The following MORC1 variants were observed in gnomAD, a reference collection of about 807,000 sequenced individuals.
MORC1 encodes MORC family CW-type zinc finger protein 1.
MORC1 carries 59 observed loss-of-function variants against 134.9 expected under a neutral mutation model. That is an observed-to-expected ratio of 0.44 (90% CI 0.35 to 0.54). MORC1 has a LOEUF of 0.54. MORC1 is among the 20% of genes least tolerant of loss of function. The probability of loss-of-function intolerance (pLI) is 0.00; values close to 1 mark genes in which losing one functional copy is unlikely to be tolerated. For missense variants in MORC1, 947 were observed against 1,134.5 expected (o/e 0.83, Z 2.37); for synonymous variants, 395 against 391.7 (o/e 1.01, Z -0.10).
At chr3:109,034,065 C>T (rs1354836923) in intron 15 of MORC1, among the ~76,000 whole-genome samples, 1 of 152,116 alleles carries the variant, frequency 6.6e-6, no homozygotes, top group African/African-American at 2.4e-5. Context: ...TTCTAAGTAA[C>T]TGTCTTTTAA....
At chr3:108,971,827 AAGGG>A (rs1024408047) in intron 24 of MORC1, among the ~76,000 whole-genome samples, 4 of 145,264 alleles carry the variant, frequency 2.8e-5, no homozygotes, top group Admixed American at 6.8e-5. Flanking sequence ...GGAAGGAAGG[AAGGG>A]AGGGAGGGAG....
At chr3:109,065,835 C>T (rs982680980) in intron 9 of MORC1, among the ~76,000 whole-genome samples, 1 of 152,020 alleles carries the variant, frequency 6.6e-6, no homozygotes, top group Non-Finnish European at 1.5e-5. Flanking sequence ...ACTACACAGC[C>T]ATAAAAAAGA....
Position 109,054,784 on chromosome 3 carries a change from T to G in MORC1, c.1274A>C (p.His425Pro). Residue 425 changes from histidine (H) to proline (P), a missense_variant, in exon 14 of 28, where the codon CAT (histidine) becomes CCT (proline). His to Pro is a moderately conservative substitution (Grantham distance 77, BLOSUM62 -2). This residue lies in a region of MORC1 where 722 missense variants were observed against 817.0 expected (regional missense o/e 0.88). Transcript: ENST00000232603. ...QEFLNVQEYN[H>P]LLKVMGQYLV... ...GTACTGTCCCATGACTTTTAGTAGA[T>G]GATTATACTCTTGGACATTGAGAAA... 6.2e-7 allele frequency: 1 copy of G among 1,603,638 alleles called. No homozygotes were observed. Among genetic ancestry groups the G allele is most frequent in the East Asian group, 2.2e-5 (1 of 44,824 alleles).
At chr3:109,013,616 G>T (rs545471884) in intron 17 of MORC1, among the ~76,000 whole-genome samples, 22 of 152,220 alleles carry the variant, frequency 1.4e-4, no homozygotes, top group African/African-American at 5.3e-4. Context: ...ATATGCTACC[G>T]CTGGGCTCTT....
intron 23 of MORC1, among the ~76,000 whole-genome samples, chr3:108,982,937 G>T (rs1947784269): frequency 8.9e-6 from 1 of 111,954 alleles, no homozygotes; most frequent in Non-Finnish European, 1.9e-5. Flanking sequence ...TACTAGTTTT[G>T]GTTTTTTTTT....
chr3:109,065,010 C>A (rs907323347), intron 9 of MORC1, among the ~76,000 whole-genome samples: 14 of 152,176 alleles, frequency 9.2e-5, no homozygotes, highest in Non-Finnish European at 1.3e-4. Flanking sequence ...AATCCACTGG[C>A]AAGTCTTGCT....
intron 21 of MORC1, among the ~76,000 whole-genome samples, chr3:108,992,367 T>C (rs552178864): frequency 1.3e-5 from 2 of 152,300 alleles, no homozygotes; most frequent in East Asian, 1.9e-4. Context: ...TCCTACTCTT[T>C]CCAAAACATC....
chr3:109,053,244 A>G (rs1052399179), intron 14 of MORC1, among the ~76,000 whole-genome samples: 1 of 152,190 alleles, frequency 6.6e-6, no homozygotes, highest in African/African-American at 2.4e-5. Flanking sequence ...TTCAACTACC[A>G]TTCAACCCAG....
chr3:109,020,671 CAGG>C (rs1162553511), intron 17 of MORC1, among the ~76,000 whole-genome samples: 2 of 150,172 alleles, frequency 1.3e-5, no homozygotes, highest in East Asian at 3.9e-4. Context: ...GAGGCTGAGG[CAGG>C]AGAATGGTGT....
intron 2 of MORC1, among the ~76,000 whole-genome samples, chr3:109,113,566 T>C (rs1009435849): frequency 1.4e-4 from 21 of 152,134 alleles, no homozygotes; most frequent in African/African-American, 5.1e-4. Context: ...AACTGCACAT[T>C]ACTTCCTGGA....
At chr3:109,019,700 A>G (rs1948909639) in intron 17 of MORC1, among the ~76,000 whole-genome samples, 1 of 152,212 alleles carries the variant, frequency 6.6e-6, no homozygotes, top group South Asian at 2.1e-4. Context: ...CATAACAATC[A>G]TAGCATTGTA....
At chr3:109,024,961 A>C (rs1183875985) in intron 17 of MORC1, among the ~76,000 whole-genome samples, 1 of 152,182 alleles carries the variant, frequency 6.6e-6, no homozygotes, top group Non-Finnish European at 1.5e-5. Flanking sequence ...TGAACATTGC[A>C]TGGTTTTTAG....
intron 14 of MORC1, among the ~76,000 whole-genome samples, 153 bp downstream of exon 14, chr3:109,054,575 G>A (rs563333588): frequency 6.6e-6 from 1 of 152,116 alleles, no homozygotes; most frequent in South Asian, 2.1e-4. Context: ...TTCTGAAATG[G>A]GCTCCCTTCT....
At chr3:108,963,748 T>C in intron 26 of MORC1, 140 bp from the exon 27 acceptor site, 1 of 594,068 alleles carries the variant, frequency 1.7e-6, no homozygotes, top group South Asian at 2.3e-5. Context: ...TAGGAAATAT[T>C]GATACCCTTA....
At chr3:109,015,727 C>T (rs1336102867) in intron 17 of MORC1, among the ~76,000 whole-genome samples, 1 of 152,142 alleles carries the variant, frequency 6.6e-6, no homozygotes, top group African/African-American at 2.4e-5. Flanking sequence ...ACTTCCAGTC[C>T]ATTCCCAATT....
At chr3:108,982,092 G>A (rs1947740932) in intron 23 of MORC1, among the ~76,000 whole-genome samples, 1 of 152,172 alleles carries the variant, frequency 6.6e-6, no homozygotes, top group South Asian at 2.1e-4. Context: ...AGTGGGTGAA[G>A]GATATGAACA....
At chr3:109,001,290 G>A (rs925593564) in intron 20 of MORC1, among the ~76,000 whole-genome samples, 6 of 151,990 alleles carry the variant, frequency 3.9e-5, no homozygotes, top group African/African-American at 7.2e-5. Flanking sequence ...CCACCACCAC[G>A]CCTGGGAAAT....
In MORC1 at chr3:109,062,062, G is replaced by C. The variant is rs1305658774; in HGVS notation, c.896-4C>G. The C allele has an allele frequency of 5.0e-6, 8 of 1,613,722 alleles. No homozygotes were observed. The highest frequency in any genetic ancestry group is 6.8e-6 in the Non-Finnish European group (8 of 1,179,810). On this transcript the variant is annotated splice_polypyrimidine_tract_variant and splice_region_variant and intron_variant, in intron 10 of 27. Coordinates refer to ENST00000232603, the MANE Select transcript of MORC1 (RefSeq NM_014429.4). Reference sequence around the variant, plus strand: ...GCTTCTTTCAATATGGATTCAGCTGGAAGTAGAAGCCAAATAGTTATAACA... The same window carrying C: ...GCTTCTTTCAATATGGATTCAGCTGCAAGTAGAAGCCAAATAGTTATAACA...
intron 14 of MORC1, among the ~76,000 whole-genome samples, chr3:109,048,942 A>G (rs905652012): frequency 2.6e-5 from 4 of 152,188 alleles, no homozygotes; most frequent in Non-Finnish European, 4.4e-5. Flanking sequence ...AATTCAGCCT[A>G]TAACACCATA....
Sources: gnomAD v4.1 joint callset for allele counts (sites outside exome capture counted in the v4.1 genomes callset) on GRCh38, gnomAD v4.1.1 for gene constraint, gnomAD v4.1.1 regional missense constraint, MANE v1.5 for transcripts, NCBI Gene and HGNC (gene_info 2026-07-23, HGNC 2026-07-21) for gene names.